CLTC: variants seen among roughly 807,000 people sequenced by gnomAD.
CLTC encodes clathrin heavy chain.
In CLTC, 16 loss-of-function variants were observed where a neutral mutation model predicts 195.8. That is an observed-to-expected ratio of 0.08 (90% CI 0.06 to 0.12). The LOEUF (loss-of-function observed/expected upper bound fraction) is 0.12. CLTC is among the 10% of genes least tolerant of loss of function. CLTC has a pLI of 1.00. For missense variants in CLTC, 796 were observed against 2,027.0 expected, an observed-to-expected ratio of 0.39 and a Z score of 11.66; for synonymous variants, 667 against 689.4, an observed-to-expected ratio of 0.97 and a Z score of 0.51.
chr17:59,635,129 A>G (rs1342833487), intron 1 of CLTC, among the ~76,000 whole-genome samples: 2 of 151,634 alleles, frequency 1.3e-5, no homozygotes, highest in Admixed American at 6.6e-5. Flanking sequence ...TAACACTTCT[A>G]AAGTCCTTGG....
chr17:59,678,203 A>G (rs941662435), intron 17 of CLTC, among the ~76,000 whole-genome samples: 4 of 152,140 alleles, frequency 2.6e-5, no homozygotes, highest in Non-Finnish European at 5.9e-5. Flanking sequence ...TCTTGGTATT[A>G]TATCCGGAAG....
At chr17:59,647,125 A>G (rs2032215571) in intron 2 of CLTC, among the ~76,000 whole-genome samples, 1 of 152,200 alleles carries the variant, frequency 6.6e-6, no homozygotes, top group African/African-American at 2.4e-5. Context: ...ACTATTCATT[A>G]GGCTTATTTT....
At chr17:59,664,969 A>G (rs1330824536) in intron 10 of CLTC, 60 bp downstream of exon 10, 13 of 1,592,428 alleles carry the variant, frequency 8.2e-6, no homozygotes, top group Non-Finnish European at 8.6e-6. Context: ...GGGGCCAGCC[A>G]TGGTGGTTGA....
intron 1 of CLTC, among the ~76,000 whole-genome samples, chr17:59,630,461 A>G (rs2031680131): frequency 6.6e-6 from 1 of 152,212 alleles, no homozygotes; most frequent in African/African-American, 2.4e-5. Context: ...AAAGTGAACA[A>G]TTTAGTGGTA....
In CLTC at chr17:59,648,557, G is replaced by A. The variant is rs951316480; in HGVS notation, c.681+156G>A. 3 of 652,316 alleles carry A rather than the reference G, an allele frequency of 4.6e-6. No individual in the cohort carries two copies. The African/African-American group carries it at 5.5e-5, about 12-fold the overall frequency. The allele number at this position is 652,316 out of a possible 1,614,324, so 40.4% of individuals were successfully genotyped here. On this transcript the variant is annotated intron_variant, in intron 4 of 31. Coordinates refer to ENST00000269122, the MANE Select transcript of CLTC (RefSeq NM_004859.4). The surrounding 1 kb of genome is among the most constrained non-coding windows in gnomAD (Gnocchi z 4.5). ...AATTTGTTCAAATTTTGCATCTAGT[G>A]ATACTTGTCTAAAATGAATAATGTT...
rs1325888705 is a variant in CLTC at position 59,685,968 on chromosome 17, A to T, written c.4827+160A>T. 1.3e-5 allele frequency among the ~76,000 whole-genome samples: 2 copies of T among 152,184 alleles called. No homozygotes were observed. Among genetic ancestry groups the T allele is most frequent in the Non-Finnish European group, 2.9e-5 (2 of 68,032 alleles). On this transcript the variant is annotated intron_variant, in intron 30 of 31. Coordinates refer to ENST00000269122, the MANE Select transcript of CLTC (RefSeq NM_004859.4). The surrounding 1 kb of genome is among the most constrained non-coding windows in gnomAD (Gnocchi z 5.0). ...TTGAAATTTTTTTTTAATAGCTGAC[A>T]AATGACACTGATTGGAAGGGGAACT...
At chr17:59,652,975 T>A (rs2032365077) in intron 5 of CLTC, among the ~76,000 whole-genome samples, 1 of 152,154 alleles carries the variant, frequency 6.6e-6, no homozygotes, top group Non-Finnish European at 1.5e-5. Flanking sequence ...TTTTTCACCT[T>A]GCACTTTTAT....
Position 59,695,240 on chromosome 17 carries a change from C to A in CLTC, c.*1388C>A. ...CTGAGAATGTTCCTAAAGTTCATTT[C>A]ACTATCCCTTAATCCTCAATAGCTA... On this transcript the variant is annotated 3_prime_UTR_variant, in exon 32 of 32. Transcript: ENST00000269122. 5.1e-6 allele frequency: 1 copy of A among 197,652 alleles called. No homozygotes were observed. Among genetic ancestry groups the A allele is most frequent in the Non-Finnish European group, 1.0e-5 (1 of 95,428 alleles). 12.2% of individuals were successfully genotyped at this position (197,652 alleles called of 1,614,324 possible).
intron 6 of CLTC, 105 bp from the exon 7 acceptor site, chr17:59,660,286 A>G (rs1038956483): frequency 3.1e-6 from 3 of 963,336 alleles, no homozygotes; most frequent in African/African-American, 3.3e-5. Context: ...AGCTGTCACA[A>G]TTTCATTACC....
chr17:59,620,066 A>C lies in CLTC; in HGVS notation c.-66A>C. The C allele has an allele frequency of 1.4e-6, 2 of 1,479,254 alleles. No homozygotes were observed. Among genetic ancestry groups the C allele is most frequent in the Non-Finnish European group, 9.4e-7 (1 of 1,060,088 alleles). 91.6% of individuals were successfully genotyped at this position (1,479,254 alleles called of 1,614,324 possible). ...CTCCCCTTCTCCTCCTCTCCCTTGG[A>C]GAGCCCGGGCAGCCACTGCCCCGCA... On this transcript the variant is annotated 5_prime_UTR_variant, in exon 1 of 32. Transcript: ENST00000269122.
rs1163702157 is a variant in CLTC, at chr17:59,644,464, C to T, written c.231C>T (p.Ser77=). The change falls in exon 2 of 32, where the codon AGC becomes AGT. Residue 77 remains serine, a synonymous_variant. Transcript: ENST00000269122. ...SADSAIMNPA[S]KVIALKAGKT... Reference sequence around the variant, plus strand: ...ACAGCGCCATCATGAATCCAGCTAGCAAAGTAATTGCACTGAAAGGTATAA... The same window carrying T: ...ACAGCGCCATCATGAATCCAGCTAGTAAAGTAATTGCACTGAAAGGTATAA... 2.5e-6 allele frequency: 4 copies of T among 1,613,610 alleles called. No individual in the cohort carries two copies. Among genetic ancestry groups the T allele is most frequent in the Non-Finnish European group, 2.5e-6 (3 of 1,179,796 alleles).
At chr17:59,629,712 G>C (rs1232413368) in intron 1 of CLTC, among the ~76,000 whole-genome samples, 2 of 151,832 alleles carry the variant, frequency 1.3e-5, no homozygotes, top group African/African-American at 4.8e-5. Context: ...GTACAGATGG[G>C]ATTTCACCAT....
At chr17:59,662,578 A>AT (rs2032634754) in intron 8 of CLTC, among the ~76,000 whole-genome samples, 1 of 152,210 alleles carries the variant, frequency 6.6e-6, no homozygotes, top group African/African-American at 2.4e-5. Context: ...AGTGAATAAC[A>AT]TTTAATGTTA....
chr17:59,680,805 T>G, intron 18 of CLTC, 107 bp from the exon 19 acceptor site: 1 of 800,302 alleles, frequency 1.2e-6, no homozygotes, highest in Non-Finnish European at 2.0e-6. Flanking sequence ...GTCTTTTTCC[T>G]ACTTCATTCT....
chr17:59,661,948 C>G (rs958662861), intron 8 of CLTC, among the ~76,000 whole-genome samples: 16 of 151,868 alleles, frequency 1.1e-4, no homozygotes, highest in Admixed American at 7.2e-4. Context: ...ACTAAAAATA[C>G]AAAAATCAGC....
At chr17:59,664,687 C>T (rs2032687951) in intron 9 of CLTC, 100 bp from the exon 10 acceptor site, 1 of 1,253,922 alleles carries the variant, frequency 8.0e-7, no homozygotes, top group Non-Finnish European at 1.1e-6. Context: ...TGTGCTTTCA[C>T]CAGTAGTTCT....
At chr17:59,656,397 A>T (rs908164073) in intron 6 of CLTC, among the ~76,000 whole-genome samples, 3 of 38,236 alleles carry the variant, frequency 7.8e-5, no homozygotes, top group South Asian at 1.7e-3. Context: ...TTGACAGACT[A>T]TTTTTTTAAG....
intron 1 of CLTC, among the ~76,000 whole-genome samples, chr17:59,626,342 C>T (rs529505177): frequency 3.3e-5 from 5 of 152,154 alleles, no homozygotes; most frequent in Non-Finnish European, 7.4e-5. Flanking sequence ...TCTGAAACTG[C>T]CCCCCAAAAA....
intron 1 of CLTC, among the ~76,000 whole-genome samples, chr17:59,635,237 G>A (rs2031829254): frequency 6.6e-6 from 1 of 152,320 alleles, no homozygotes; most frequent in Admixed American, 6.5e-5. Context: ...GAAACAAGGA[G>A]GATCTGGAAA....
Sources: allele counts gnomAD v4.1 joint callset (sites outside exome capture counted in the v4.1 genomes callset), GRCh38; gene constraint gnomAD v4.1.1; non-coding constraint Gnocchi (gnomAD v3.1); transcripts MANE v1.5; gene names NCBI Gene and HGNC (gene_info 2026-07-23, HGNC 2026-07-21).